Variants in FMN2 observed in about 807,000 individuals in gnomAD.
FMN2 encodes formin-2.
FMN2 carries 51 observed loss-of-function variants against 142.3 expected under a neutral mutation model. The observed-to-expected ratio is 0.36, with a 90% CI of 0.29 to 0.45. The LOEUF (loss-of-function observed/expected upper bound fraction) is 0.45. FMN2 is among the 20% of genes least tolerant of loss of function. The pLI is 1.00. For synonymous variants in FMN2, 882 were observed against 869.8 expected (o/e 1.01, Z -0.25); for missense variants, 1,936 against 2,122.8 (o/e 0.91, Z 1.73).
At chr1:240,182,516 C>T (rs1393493321) in intron 3 of FMN2, among the ~76,000 whole-genome samples, 2 of 152,064 alleles carry the variant, frequency 1.3e-5, no homozygotes, top group African/African-American at 4.8e-5. Context: ...ATGTGAAAAT[C>T]CTTTAAAATG....
At chr1:240,442,750 T>G (rs986851466) in intron 16 of FMN2, among the ~76,000 whole-genome samples, 1 of 152,226 alleles carries the variant, frequency 6.6e-6, no homozygotes, top group African/African-American at 2.4e-5. Context: ...TTCATCCTGA[T>G]GACGCATGTG....
At chr1:240,209,529 C>T (rs1221017756) in intron 5 of FMN2, among the ~76,000 whole-genome samples, 1 of 150,630 alleles carries the variant, frequency 6.6e-6, no homozygotes. Context: ...GCTGGGATGA[C>T]AGGCGTGAGC....
chr1:240,398,049 A>G (rs986742388), intron 15 of FMN2, among the ~76,000 whole-genome samples: 8 of 148,898 alleles, frequency 5.4e-5, no homozygotes, highest in Non-Finnish European at 8.9e-5. Context: ...AGACTGGAGG[A>G]CAGTGGCACC....
chr1:240,132,148 T>G (rs560069104), intron 2 of FMN2, among the ~76,000 whole-genome samples: 13 of 152,320 alleles, frequency 8.5e-5, no homozygotes, highest in African/African-American at 3.1e-4. Context: ...ACTAAAGAGT[T>G]AGAATACTAA....
intron 3 of FMN2, among the ~76,000 whole-genome samples, chr1:240,182,920 T>C (rs1474796555): frequency 1.4e-5 from 1 of 69,020 alleles, no homozygotes; most frequent in Non-Finnish European, 2.9e-5. Flanking sequence ...TTTTCTTTTC[T>C]TTTTTTTTTT....
At chr1:240,344,098 G>T (rs58823863) in intron 13 of FMN2, among the ~76,000 whole-genome samples, 9,408 of 152,252 alleles carry the variant, frequency 0.062, 335 homozygotes, top group South Asian at 0.12. Context: ...AGTCTATTCA[G>T]GGAAATGGAG....
chr1:240,363,242 T>G (rs140011999), intron 14 of FMN2, among the ~76,000 whole-genome samples: 7 of 152,360 alleles, frequency 4.6e-5, no homozygotes, highest in African/African-American at 1.4e-4. Flanking sequence ...CTTTTTCCAG[T>G]AATGAAAACA....
chr1:240,284,181 C>A (rs1002384915), intron 7 of FMN2, among the ~76,000 whole-genome samples: 4 of 152,148 alleles, frequency 2.6e-5, no homozygotes, highest in African/African-American at 9.7e-5. Flanking sequence ...TTACTTACTG[C>A]TGAAAACAAT....
rs544882502 is a variant in FMN2 at position 240,230,175 on chromosome 1, G to A, written c.4065+18940G>A. On this transcript the variant is annotated intron_variant, in intron 6 of 17. Transcript: ENST00000319653. The stretch of plus-strand genomic sequence containing the variant: ...TACAAAAAAATACAAAAATTAGTTG[G>A]GCATGGTGGCATGTGCCTGTAGCCC... Among the ~76,000 whole-genome samples the A allele has an allele frequency of 6.2e-5, 8 of 128,390 alleles. 4 individuals carry two copies. Among genetic ancestry groups the A allele is most frequent in the Admixed American group, 1.5e-4 (2 of 13,506 alleles). The allele number at this position is 128,390 out of a possible 152,430, so 84.2% of individuals were successfully genotyped here.
intron 8 of FMN2, among the ~76,000 whole-genome samples, chr1:240,320,204 T>A (rs1670925204): frequency 6.6e-6 from 1 of 152,094 alleles, no homozygotes; most frequent in African/African-American, 2.4e-5. Context: ...AAAAAGACAG[T>A]ACTTGTAGAC....
At chr1:240,158,700 GC>G (rs1664136956) in intron 2 of FMN2, among the ~76,000 whole-genome samples, 1 of 152,054 alleles carries the variant, frequency 6.6e-6, no homozygotes, top group Non-Finnish European at 1.5e-5. Context: ...CACCAGTCCT[GC>G]ATTTTGTGTC....
At chr1:240,163,623 G>C (rs1305769870) in intron 2 of FMN2, among the ~76,000 whole-genome samples, 1 of 151,784 alleles carries the variant, frequency 6.6e-6, no homozygotes, top group Non-Finnish European at 1.5e-5. Flanking sequence ...CGTAGGTTTG[G>C]AGCTCATTTT....
At chr1:240,176,286 A>C (rs1664907675) in intron 2 of FMN2, among the ~76,000 whole-genome samples, 1 of 152,246 alleles carries the variant, frequency 6.6e-6, no homozygotes, top group South Asian at 2.1e-4. Flanking sequence ...AGTTTTGCCC[A>C]ACATGTAAAC....
At chr1:240,151,578 AT>A (rs1317941134) in intron 2 of FMN2, among the ~76,000 whole-genome samples, 1 of 152,078 alleles carries the variant, frequency 6.6e-6, no homozygotes, top group Non-Finnish European at 1.5e-5. Context: ...GTCTTAGAAA[AT>A]TGTGAATGCA....
At chr1:240,143,920 G>C (rs991830019) in intron 2 of FMN2, 1 of 1,532,780 alleles carries the variant, frequency 6.5e-7, no homozygotes, top group African/African-American at 1.4e-5. Flanking sequence ...CGTAGGCCAA[G>C]CCTAGCCCAA....
At chr1:240,383,577 G>C (rs1376806040) in intron 14 of FMN2, among the ~76,000 whole-genome samples, 4 of 152,106 alleles carry the variant, frequency 2.6e-5, no homozygotes, top group African/African-American at 9.7e-5. Context: ...GCTATTATTA[G>C]CAAGCCAAAA....
At chr1:240,121,509 G>A (rs142083818) in intron 1 of FMN2, among the ~76,000 whole-genome samples, 46 of 151,374 alleles carry the variant, frequency 3.0e-4, no homozygotes, top group African/African-American at 1.0e-3. Flanking sequence ...CCAAGTAGCT[G>A]GGACTACAGG....
intron 6 of FMN2, among the ~76,000 whole-genome samples, chr1:240,242,767 T>A (rs1667954577): frequency 6.6e-6 from 1 of 152,152 alleles, no homozygotes; most frequent in Non-Finnish European, 1.5e-5. Flanking sequence ...ACCCACACTA[T>A]AGCTTGATCC....
intron 1 of FMN2, among the ~76,000 whole-genome samples, chr1:240,108,915 A>T (rs554784163): frequency 6.6e-6 from 1 of 152,288 alleles, no homozygotes; most frequent in African/African-American, 2.4e-5. Flanking sequence ...GAGAGCCTGT[A>T]ATCCCAGCTA....
Sources: allele counts gnomAD v4.1 joint callset (sites outside exome capture counted in the v4.1 genomes callset), GRCh38; gene constraint gnomAD v4.1.1; transcripts MANE v1.5; gene names NCBI Gene and HGNC (gene_info 2026-07-23, HGNC 2026-07-21).